Variants in C10orf143 observed in about 807,000 individuals in gnomAD.
C10orf143 encodes the protein chromosome 10 open reading frame 143, also known as uncharacterized protein C10orf143.
At chr10:130,101,874 A>AAAAAAAAC (rs1564970444) in intron 1 of C10orf143, among the ~76,000 whole-genome samples, 8 of 141,288 alleles carry the variant, frequency 5.7e-5, no homozygotes, top group African/African-American at 5.4e-5. Flanking sequence ...CCAAAAAAAA[A>AAAAAAAAC]AAAAAAAAAA....
chr10:130,106,928 A>C (rs766512028), intron 1 of C10orf143: 8 of 1,007,290 alleles, frequency 7.9e-6, no homozygotes, highest in African/African-American at 1.6e-5. Flanking sequence ...AGAAGTGAAC[A>C]GTGAATCAGA....
In C10orf143 at chr10:130,107,219, A is replaced by G. The variant is rs764330989; in HGVS notation, c.69+3485T>C. On this transcript the variant is annotated intron_variant, in intron 1 of 3. Transcript: ENST00000637128. ...GACTGAATTATATCAAGAAAATGAAATGAAACTCTACAGGAAATTAACAGT... is the reference window on the plus strand; with the variant it reads ...GACTGAATTATATCAAGAAAATGAAGTGAAACTCTACAGGAAATTAACAGT... 6 of 1,332,566 alleles carry G rather than the reference A, an allele frequency of 4.5e-6. No homozygotes were observed. The African/African-American group carries it at 8.6e-5, about 19-fold the overall frequency. 82.5% of individuals were successfully genotyped at this position (1,332,566 alleles called of 1,614,324 possible).
intron 3 of C10orf143, among the ~76,000 whole-genome samples, chr10:130,054,671 T>C (rs1484248705): frequency 6.6e-6 from 1 of 152,250 alleles, no homozygotes; most frequent in African/African-American, 2.4e-5. Flanking sequence ...CTTCACATTC[T>C]CACCAACACT....
At chr10:130,105,897 C>T (rs1236295302) in intron 1 of C10orf143, 4 of 364,594 alleles carry the variant, frequency 1.1e-5, no homozygotes. Flanking sequence ...TGAGCGCCCG[C>T]ATCCCCCAGC....
chr10:130,037,402 G>A (rs1054100447), intron 3 of C10orf143, among the ~76,000 whole-genome samples: 2 of 152,216 alleles, frequency 1.3e-5, no homozygotes, highest in Non-Finnish European at 2.9e-5. Context: ...AACAAGAGAA[G>A]GCTCACTCCC....
Position 130,079,893 on chromosome 10 carries a change from T to C in C10orf143, c.78A>G (p.Val26=), listed in dbSNP as rs1048746917. Reference sequence around the variant, plus strand: ...GCCCACTGGCTTCTAATCTCCTGCATACCCGTTTCTGAAACAAACAAAATT... The same window carrying C: ...GCCCACTGGCTTCTAATCTCCTGCACACCCGTTTCTGAAACAAACAAAATT... The part of the protein sequence containing the change: ...DLQVPGDVKR[V]CRRLEASGHE... The change falls in exon 2 of 4, where the codon GTA becomes GTG. Residue 26 remains valine (V), a synonymous_variant. Transcript: ENST00000637128. 2.5e-6 allele frequency: 1 copy of C among 398,632 alleles called. No homozygotes were observed. Among genetic ancestry groups the C allele is most frequent in the Non-Finnish European group, 4.4e-6 (1 of 226,056 alleles). 24.7% of individuals were successfully genotyped at this position (398,632 alleles called of 1,614,324 possible). A position where few individuals can be genotyped will look rare whatever the true frequency, so the allele number is the denominator to read the frequency against.
intron 1 of C10orf143, among the ~76,000 whole-genome samples, chr10:130,085,774 G>A (rs576331025): frequency 1.8e-4 from 20 of 110,252 alleles, no homozygotes; most frequent in African/African-American, 5.4e-4. Flanking sequence ...AAAATAACAA[G>A]TTTTTTAAAA....
At chr10:130,105,012 TCTGCC>T (rs1861617500) in intron 1 of C10orf143, 1 of 152,016 alleles carries the variant, frequency 6.6e-6, no homozygotes, top group African/African-American at 2.4e-5. Context: ...CACTGCGACC[TCTGCC>T]TCACGAGTTG....
chr10:130,072,794 G>A (rs539586192), intron 3 of C10orf143, among the ~76,000 whole-genome samples: 69 of 152,284 alleles, frequency 4.5e-4, no homozygotes, highest in Non-Finnish European at 4.1e-4. Flanking sequence ...TATTAAGTGT[G>A]CAACAACATT....
intron 3 of C10orf143, among the ~76,000 whole-genome samples, chr10:130,058,051 C>A (rs1860814689): frequency 6.6e-6 from 1 of 152,206 alleles, no homozygotes; most frequent in African/African-American, 2.4e-5. Flanking sequence ...TCTGCACCTC[C>A]ACAAGATTCC....
intron 1 of C10orf143, among the ~76,000 whole-genome samples, chr10:130,089,178 G>A (rs185554891): frequency 1.1e-4 from 16 of 152,268 alleles, no homozygotes; most frequent in Admixed American, 3.3e-4. Flanking sequence ...CTTCTACTTT[G>A]ATTCTGAAAA....
chr10:130,103,915 A>C (rs1366687363), intron 1 of C10orf143, among the ~76,000 whole-genome samples: 2 of 152,162 alleles, frequency 1.3e-5, no homozygotes, highest in African/African-American at 4.8e-5. Context: ...CAGGTATCTA[A>C]AATGTTGCTC....
At chr10:130,108,482 T>A (rs1242798611) in intron 1 of C10orf143, 1 of 747,120 alleles carries the variant, frequency 1.3e-6, no homozygotes, top group Non-Finnish European at 2.5e-6. Context: ...TCAAAAGTAA[T>A]TCTGACTGAT....
chr10:130,042,195 C>T (rs1335370570), intron 3 of C10orf143, among the ~76,000 whole-genome samples: 4 of 152,220 alleles, frequency 2.6e-5, no homozygotes, highest in African/African-American at 9.6e-5. Context: ...CTTTCTGATT[C>T]AGGGCTAGAC....
chr10:130,100,649 A>T (rs761087230), intron 1 of C10orf143, among the ~76,000 whole-genome samples: 224 of 152,370 alleles, frequency 1.5e-3, no homozygotes, highest in Middle Eastern at 3.4e-3. Flanking sequence ...AAAGATAAAA[A>T]TCAAATGTTA....
intron 3 of C10orf143, among the ~76,000 whole-genome samples, chr10:130,041,153 C>G (rs953690061): frequency 6.6e-6 from 1 of 152,240 alleles, no homozygotes; most frequent in Non-Finnish European, 1.5e-5. Flanking sequence ...GGCCGTCTTG[C>G]CAGGGAGAAG....
chr10:130,073,475 G>C (rs6482770), intron 3 of C10orf143, among the ~76,000 whole-genome samples: 5,242 of 152,158 alleles, frequency 0.034, 238 homozygotes, highest in East Asian at 0.11. Flanking sequence ...CTCTGGACGT[G>C]AGCATTCCAG....
intron 1 of C10orf143, among the ~76,000 whole-genome samples, chr10:130,098,290 T>A (rs1861494333): frequency 6.6e-6 from 1 of 151,960 alleles, no homozygotes; most frequent in Admixed American, 6.6e-5. Flanking sequence ...ACCACTGCAC[T>A]CAGGCCTGGA....
At chr10:130,105,982 C>T in intron 1 of C10orf143, 2 of 408,726 alleles carry the variant, frequency 4.9e-6, no homozygotes, top group Non-Finnish European at 4.9e-6. Flanking sequence ...CGCAAGGCTG[C>T]GAGTTCTCCG....
Sources: gnomAD v4.1 joint callset for allele counts (sites outside exome capture counted in the v4.1 genomes callset) on GRCh38, gnomAD v4.1.1 for gene constraint, MANE v1.5 for transcripts, NCBI Gene and HGNC (gene_info 2026-07-23, HGNC 2026-07-21) for gene names.